The following FASN variants were observed in gnomAD, a reference collection of about 807,000 sequenced individuals.
FASN encodes the protein 3-hydroxyacyl-[acyl-carrier-protein] dehydratase.
In FASN, 50 loss-of-function variants were observed where a neutral mutation model predicts 250.0. That is an observed-to-expected ratio of 0.20 (90% CI 0.16 to 0.25). The LOEUF (loss-of-function observed/expected upper bound fraction) is 0.25. Among genes scored for constraint, FASN ranks in the 10% least tolerant of loss-of-function variants. FASN has a pLI of 1.00. For missense variants in FASN, 3,031 were observed against 3,498.5 expected, an observed-to-expected ratio of 0.87 and a Z score of 3.37; for synonymous variants, 1,909 against 1,584.0, an observed-to-expected ratio of 1.21 and a Z score of -4.87.
At chr17:82,097,519 C>T (rs1336668763) in intron 1 of FASN, 9 of 152,516 alleles carry the variant, frequency 5.9e-5, no homozygotes, top group African/African-American at 2.2e-4. Context: ...GCTTGGCTGC[C>T]CCGGGCCAGC....
intron 8 of FASN, 72 bp downstream of exon 8, chr17:82,092,383 G>A: frequency 6.7e-7 from 1 of 1,486,032 alleles, no homozygotes; most frequent in Non-Finnish European, 9.1e-7. Context: ...GAAAGCAGCA[G>A]TGCCCAGCCA....
intron 23 of FASN, 23 bp downstream of exon 23, chr17:82,085,459 G>A (rs1170778627): frequency 1.3e-6 from 2 of 1,592,418 alleles, no homozygotes; most frequent in East Asian, 4.6e-5. Context: ...CCCCCACCCT[G>A]TCCCCCTGCC....
Position 82,095,450 on chromosome 17 carries a change from C to A in FASN, c.150G>T (p.Arg50=), listed in dbSNP as rs749391899. Residue 50 remains arginine, a synonymous_variant, in exon 3 of 43, where the codon CGG becomes CGT. Coordinates refer to ENST00000306749, the MANE Select transcript of FASN (RefSeq NM_004104.5). ...TAGACAGGTCCTTCAGCTTGCCGGA[C>A]CGCCGGGGCAGGCCGTAGAGCCCTG... ...WKAGLYGLPR[R]SGKLKDLSRF... 6.2e-7 allele frequency: 1 copy of A among 1,612,696 alleles called. No individual in the cohort carries two copies. The highest frequency in any genetic ancestry group is 2.2e-5 in the East Asian group (1 of 44,878).
chr17:82,095,557 G>C (rs556141110), intron 2 of FASN, 85 bp from the exon 3 acceptor site: 2 of 1,527,732 alleles, frequency 1.3e-6, no homozygotes, highest in South Asian at 1.1e-5. Flanking sequence ...CCCTGGAGGG[G>C]CCATGGTGGA....
chr17:82,086,398 C>T lies in FASN; in HGVS notation c.3588G>A (p.Leu1196=). 1.2e-6 allele frequency: 2 copies of T among 1,610,694 alleles called. No homozygotes were observed. Among genetic ancestry groups the T allele is most frequent in the South Asian group, 1.1e-5 (1 of 91,054 alleles). The change falls in exon 22 of 43, where the codon CTG becomes CTA. Residue 1196 remains leucine, a synonymous_variant. Transcript: ENST00000306749. ...CRLQLNGNLQ[L]ELAQVLAQER... ...CCTGGGCCAGCACCTGCGCCAGCTCCAGCTGCAGGTTCCCGTTGAGCTGAA... is the reference window on the plus strand; with the variant it reads ...CCTGGGCCAGCACCTGCGCCAGCTCTAGCTGCAGGTTCCCGTTGAGCTGAA...
At chr17:82,096,492 CACG>C in intron 1 of FASN, 40 bp from the exon 2 acceptor site, 1 of 1,605,502 alleles carries the variant, frequency 6.2e-7, no homozygotes, top group Non-Finnish European at 8.5e-7. Flanking sequence ...ACATCCCGGC[CACG>C]ACACCCCCGT....
chr17:82,090,284 G>T lies in FASN; in HGVS notation c.1870+91C>A. The T allele has an allele frequency of 3.0e-6, 4 of 1,335,636 alleles. No homozygotes were observed. The South Asian group carries it at 5.3e-5, about 18-fold the overall frequency. The allele number at this position is 1,335,636 out of a possible 1,614,324, so 82.7% of individuals were successfully genotyped here. On this transcript the variant is annotated intron_variant, in intron 11 of 42. Coordinates refer to ENST00000306749, the MANE Select transcript of FASN (RefSeq NM_004104.5). ...GCCAGCGGGGGCCACTCTATCCTAC[G>T]GGGGCCAGGCCAGGGCTGCAGGTGA...
In FASN at chr17:82,093,437, G is replaced by A. The variant is rs1261467058; in HGVS notation, c.455-18C>T. 1 of 1,594,038 alleles carries A rather than the reference G, an allele frequency of 6.3e-7. No individual in the cohort carries two copies. On this transcript the variant is annotated intron_variant, in intron 4 of 42. Coordinates refer to ENST00000306749, the MANE Select transcript of FASN (RefSeq NM_004104.5). Reference sequence around the variant, plus strand: ...GCTGGGCCCTGCAAGGAAGGGTGCTGCGGCTCAGGTGGGGCTGTGAGCACA... The same window carrying A: ...GCTGGGCCCTGCAAGGAAGGGTGCTACGGCTCAGGTGGGGCTGTGAGCACA...
chr17:82,080,007 C>T (rs9904054), intron 41 of FASN, 133 bp downstream of exon 41: 12,878 of 1,007,982 alleles, frequency 0.013, 448 homozygotes, highest in African/African-American at 0.094. Context: ...CGCATCCGGC[C>T]GGGATCGGCT....
intron 3 of FASN, 44 bp from the exon 4 acceptor site, chr17:82,093,815 C>A (rs751838860): frequency 4.5e-5 from 71 of 1,590,852 alleles, no homozygotes; most frequent in Middle Eastern, 2.2e-4. Context: ...GGCCCCACAG[C>A]GCAGCCAGCC....
At position 82,091,231 on chromosome 17, in the gene FASN, T is replaced by C. The variant is rs2034200354; in HGVS notation, c.1483A>G (p.Ile495Val). The change falls in exon 9 of 43, where the codon ATC (isoleucine) becomes GTC (valine). Residue 495 changes from isoleucine (I) to valine (V), a missense_variant. Ile to Val is a conservative substitution (Grantham distance 29). Transcript: ENST00000306749. Reference protein sequence around the residue: ...VPAGERPLWFICSGMGTQWRG... With the variant: ...VPAGERPLWFVCSGMGTQWRG... ...CAGAGTGTGGGCTCACCAGAGCAGA[T>C]GAACCAGAGCGGGCGCTCGCCAGCG... 6.2e-7 allele frequency: 1 copy of C among 1,601,318 alleles called. No individual in the cohort carries two copies. Among genetic ancestry groups the C allele is most frequent in the Non-Finnish European group, 8.5e-7 (1 of 1,175,518 alleles).
chr17:82,096,221 G>T, intron 2 of FASN, 98 bp downstream of exon 2: 1 of 1,576,732 alleles, frequency 6.3e-7, no homozygotes. Context: ...GCCAGTGCCT[G>T]GGTGGTGAGG....
intron 33 of FASN, 42 bp downstream of exon 33, chr17:82,082,872 T>C (rs1298710802): frequency 1.9e-6 from 3 of 1,605,178 alleles, no homozygotes; most frequent in South Asian, 2.2e-5. Flanking sequence ...CCCGGGGCTG[T>C]GCCTGGCCCA....
intron 3 of FASN, among the ~76,000 whole-genome samples, chr17:82,094,368 C>T (rs565799872): frequency 1.3e-5 from 2 of 151,600 alleles, no homozygotes; most frequent in African/African-American, 4.8e-5. Context: ...GGCCCCTCCT[C>T]GCCCCTGGTG....
In FASN at chr17:82,082,768, G is replaced by A. The variant is rs1286146131; in HGVS notation, c.5768-90C>T. 23 of 1,554,912 alleles carry A rather than the reference G, an allele frequency of 1.5e-5. No homozygotes were observed. The East Asian group carries it at 5.3e-4, about 36-fold the overall frequency. On this transcript the variant is annotated intron_variant, in intron 33 of 42. Transcript: ENST00000306749. ...TGGGGAAGTGGGGAGCAGCCGCAGA[G>A]CCCCATCCAGCAAGCCCCCCACAAG... is the stretch of plus-strand genomic sequence containing the variant.
In FASN at chr17:82,079,131, G is replaced by C. The variant is rs749023152; in HGVS notation, c.*12C>G. On this transcript the variant is annotated 3_prime_UTR_variant, in exon 43 of 43. Transcript: ENST00000306749. ...GGTGGAGTGACCTCCGGTGGCAGGCGGGGGCACGGGCCTAGCCCTCCCGCA... is the reference window on the plus strand; with the variant it reads ...GGTGGAGTGACCTCCGGTGGCAGGCCGGGGCACGGGCCTAGCCCTCCCGCA... 1.9e-6 allele frequency: 3 copies of C among 1,608,430 alleles called. No individual in the cohort carries two copies. Among genetic ancestry groups the C allele is most frequent in the Non-Finnish European group, 2.5e-6 (3 of 1,179,588 alleles).
At chr17:82,085,926 G>A (rs2034090746) in intron 22 of FASN, 55 bp from the exon 23 acceptor site, 2 of 1,465,946 alleles carry the variant, frequency 1.4e-6, no homozygotes. Context: ...CCCCTGACCT[G>A]GGGCTGGGCA....
Position 82,080,124 on chromosome 17 carries a change from G to A in FASN, c.7146+16C>T. The stretch of plus-strand genomic sequence containing the variant: ...GTACTCTGGGTCCTGCGGCCTCAGG[G>A]GTGTCCAGGACCCACCCTGTTGTGC... On this transcript the variant is annotated intron_variant, in intron 41 of 42. Transcript: ENST00000306749. The A allele has an allele frequency of 6.2e-7, 1 of 1,610,024 alleles. No homozygotes were observed. The highest frequency in any genetic ancestry group is 8.5e-7 in the Non-Finnish European group (1 of 1,177,294).
At chr17:82,085,931 T>C (rs2034090839) in intron 22 of FASN, 60 bp from the exon 23 acceptor site, 2 of 1,459,126 alleles carry the variant, frequency 1.4e-6, no homozygotes, top group Admixed American at 4.8e-5. Flanking sequence ...GACCTGGGGC[T>C]GGGCAAAATG....
Sources: allele counts gnomAD v4.1 joint callset (sites outside exome capture counted in the v4.1 genomes callset), GRCh38; gene constraint gnomAD v4.1.1; transcripts MANE v1.5; gene names NCBI Gene and HGNC (gene_info 2026-07-23, HGNC 2026-07-21).